VTI1A: variants seen among roughly 807,000 people sequenced by gnomAD.
The protein encoded by VTI1A is vesicle transport through interaction with t-SNAREs homolog 1A.
A neutral mutation model predicts 34.9 loss-of-function variants in VTI1A; 22 were observed. The ratio of observed to expected loss-of-function variants is 0.63; its 90% CI spans 0.45 to 0.90. The LOEUF (loss-of-function observed/expected upper bound fraction) is 0.90. VTI1A is among the 40% of genes least tolerant of loss of function. The pLI is 0.00. For synonymous variants in VTI1A, 87 were observed against 97.3 expected (o/e 0.89, Z 0.62); for missense variants, 268 against 275.6 (o/e 0.97, Z 0.20).
intron 5 of VTI1A, among the ~76,000 whole-genome samples, chr10:112,565,103 T>C (rs993180096): frequency 6.6e-6 from 1 of 152,134 alleles, no homozygotes; most frequent in Admixed American, 6.5e-5. Context: ...ATCAAGTTCA[T>C]ATATGAGGCA....
At chr10:112,741,471 T>A (rs1463424215) in intron 7 of VTI1A, among the ~76,000 whole-genome samples, 1 of 152,074 alleles carries the variant, frequency 6.6e-6, no homozygotes, top group Non-Finnish European at 1.5e-5. Context: ...TGTTAACGGA[T>A]ATTGGGGTTT....
intron 3 of VTI1A, among the ~76,000 whole-genome samples, chr10:112,504,824 T>A (rs1311665907): frequency 6.6e-6 from 1 of 152,170 alleles, no homozygotes; most frequent in Non-Finnish European, 1.5e-5. Context: ...TGAATATTGG[T>A]TAACTAATAG....
chr10:112,829,678 C>G, the VTI1A span, among the ~76,000 whole-genome samples: 2 of 152,148 alleles, frequency 1.3e-5, no homozygotes, highest in East Asian at 3.9e-4. Flanking sequence ...CGCTTGAACC[C>G]GGGAGGCGGA....
chr10:112,781,675 T>C (rs1045334448), intron 7 of VTI1A, among the ~76,000 whole-genome samples: 6 of 151,996 alleles, frequency 3.9e-5, no homozygotes, highest in African/African-American at 1.4e-4. Flanking sequence ...ACCCCGCCTC[T>C]ACTAAAAAAA....
At chr10:112,483,042 A>G (rs571081969) in intron 3 of VTI1A, among the ~76,000 whole-genome samples, 1 of 152,150 alleles carries the variant, frequency 6.6e-6, no homozygotes, top group Admixed American at 6.5e-5. Flanking sequence ...AAAGCCTAAG[A>G]GATGGGGAGG....
At chr10:112,682,194 A>G (rs553619310) in intron 7 of VTI1A, among the ~76,000 whole-genome samples, 46 of 152,310 alleles carry the variant, frequency 3.0e-4, no homozygotes, top group Non-Finnish European at 4.7e-4. Context: ...TTTCGAGCTC[A>G]TGGATCTGGA....
At chr10:112,822,909 G>C (rs1336354462), downstream of VTI1A, among the ~76,000 whole-genome samples, 5 of 152,112 alleles carry the variant, frequency 3.3e-5, no homozygotes, top group African/African-American at 1.2e-4. Flanking sequence ...AGATAGATAA[G>C]AAAAGAAAGA....
At chr10:112,694,696 G>A (rs372266843) in intron 7 of VTI1A, among the ~76,000 whole-genome samples, 1 of 151,990 alleles carries the variant, frequency 6.6e-6, no homozygotes, top group African/African-American at 2.4e-5. Flanking sequence ...AGCTGGGCAC[G>A]GTGGATCAAG....
At chr10:112,759,909 GC>G (rs2134005837) in intron 7 of VTI1A, among the ~76,000 whole-genome samples, 1 of 152,306 alleles carries the variant, frequency 6.6e-6, no homozygotes, top group East Asian at 1.9e-4. Flanking sequence ...GAATGTGGAT[GC>G]TGTAATTAAA....
intron 7 of VTI1A, among the ~76,000 whole-genome samples, chr10:112,673,175 G>A (rs962251167): frequency 6.6e-6 from 1 of 151,804 alleles, no homozygotes; most frequent in Non-Finnish European, 1.5e-5. Flanking sequence ...AAAAAAATTC[G>A]CCAGGTGCAG....
chr10:112,617,819 C>T (rs963814738), intron 5 of VTI1A, among the ~76,000 whole-genome samples: 2 of 152,096 alleles, frequency 1.3e-5, no homozygotes, highest in African/African-American at 4.8e-5. Flanking sequence ...GTGCCATTTA[C>T]AACTACAAAG....
At chr10:112,572,368 A>G (rs1377460511) in intron 5 of VTI1A, among the ~76,000 whole-genome samples, 2 of 152,190 alleles carry the variant, frequency 1.3e-5, no homozygotes, top group Non-Finnish European at 2.9e-5. Flanking sequence ...AAATTCTTAA[A>G]AAGGTTTGCT....
At chr10:112,768,820 T>A (rs975988663) in intron 7 of VTI1A, among the ~76,000 whole-genome samples, 2 of 152,162 alleles carry the variant, frequency 1.3e-5, no homozygotes, top group African/African-American at 4.8e-5. Flanking sequence ...TCATGGAGCC[T>A]CATGTCTGCA....
chr10:112,551,236 T>C (rs926226621), intron 5 of VTI1A, among the ~76,000 whole-genome samples: 2 of 97,576 alleles, frequency 2.0e-5, no homozygotes, highest in African/African-American at 8.7e-5. Flanking sequence ...ACAGCGATAC[T>C]CCATCTCAAA....
At position 112,773,615 on chromosome 10, in the gene VTI1A, G is replaced by T. The variant is rs144284968; in HGVS notation, c.561-41675G>T. Among the ~76,000 whole-genome samples, 640 of 152,346 alleles carry T rather than the reference G, an allele frequency of 4.2e-3. 1 individual carries two copies. Among genetic ancestry groups the T allele is most frequent in the Non-Finnish European group, 7.2e-3 (490 of 68,038 alleles). On this transcript the variant is annotated intron_variant, in intron 7 of 7. Transcript: ENST00000393077. ...AAGTGTTCACCCTCAACACTTCTCA[G>T]TGTTGCAAGTGGTGGGTCCAGTATC... is the stretch of plus-strand genomic sequence containing the variant.
At chr10:112,696,115 T>TATAG (rs536596679) in intron 7 of VTI1A, among the ~76,000 whole-genome samples, 4 of 150,598 alleles carry the variant, frequency 2.7e-5, no homozygotes, top group African/African-American at 9.9e-5. Flanking sequence ...TATATATATA[T>TATAG]GCACGTGAGC....
chr10:112,504,475 A>T (rs1440858878), intron 3 of VTI1A, among the ~76,000 whole-genome samples: 1 of 151,202 alleles, frequency 6.6e-6, no homozygotes, highest in East Asian at 2.0e-4. Flanking sequence ...AACTTTCCAT[A>T]TCAATATGTA....
chr10:112,852,945 A>AT, the VTI1A span, among the ~76,000 whole-genome samples: 3 of 151,492 alleles, frequency 2.0e-5, no homozygotes, highest in Admixed American at 6.6e-5. Context: ...CACCCAGCTA[A>AT]TTTTTTTTTA....
At chr10:112,821,774 G>A (rs1031784637), downstream of VTI1A, among the ~76,000 whole-genome samples, 9 of 152,306 alleles carry the variant, frequency 5.9e-5, no homozygotes, top group Middle Eastern at 3.4e-3. Flanking sequence ...TGCATCAGCC[G>A]CAGGCTGGGA....
Sources: gnomAD v4.1 joint callset for allele counts (sites outside exome capture counted in the v4.1 genomes callset) on GRCh38, gnomAD v4.1.1 for gene constraint, MANE v1.5 for transcripts, NCBI Gene and HGNC (gene_info 2026-07-23, HGNC 2026-07-21) for gene names.